SPTLC3: variants seen among roughly 807,000 people sequenced by gnomAD.
SPTLC3 encodes serine palmitoyltransferase 3.
SPTLC3 carries 36 observed loss-of-function variants against 59.3 expected under a neutral mutation model. The observed-to-expected ratio is 0.61, with a 90% CI of 0.47 to 0.80. The LOEUF (loss-of-function observed/expected upper bound fraction) is 0.80, where lower values mean the gene tolerates loss of function less well. SPTLC3 is among the 30% of genes least tolerant of loss of function. SPTLC3 has a pLI of 0.00. For synonymous variants in SPTLC3, 257 were observed against 240.8 expected (o/e 1.07, Z -0.62); for missense variants, 625 against 685.1 (o/e 0.91, Z 0.98).
At chr20:13,151,685 A>G (rs1308947945) in intron 9 of SPTLC3, among the ~76,000 whole-genome samples, 1 of 152,242 alleles carries the variant, frequency 6.6e-6, no homozygotes, top group Non-Finnish European at 1.5e-5. Flanking sequence ...CACAGAAGTG[A>G]AGTTCATTTA....
intron 10 of SPTLC3, among the ~76,000 whole-genome samples, chr20:13,157,106 A>G (rs1414665256): frequency 6.6e-6 from 1 of 152,132 alleles, no homozygotes; most frequent in Non-Finnish European, 1.5e-5. Flanking sequence ...GTTTAGCCCT[A>G]GTTTATAAAT....
intron 1 of SPTLC3, among the ~76,000 whole-genome samples, chr20:13,036,846 T>C (rs981054490): frequency 6.6e-6 from 1 of 152,154 alleles, no homozygotes; most frequent in African/African-American, 2.4e-5. Flanking sequence ...CAATTTTTGT[T>C]ACTCTGATGG....
intron 11 of SPTLC3, among the ~76,000 whole-genome samples, chr20:13,160,949 T>A (rs1290697441): frequency 6.6e-6 from 1 of 152,150 alleles, no homozygotes; most frequent in Non-Finnish European, 1.5e-5. Context: ...CATTCAAGAC[T>A]TCCAATCAGT....
At chr20:13,105,219 G>A (rs143130352) in intron 6 of SPTLC3, among the ~76,000 whole-genome samples, 42 of 152,076 alleles carry the variant, frequency 2.8e-4, no homozygotes, top group Middle Eastern at 3.4e-3. Flanking sequence ...CTTTTCCTGT[G>A]TAGCTTCTGT....
At chr20:13,127,014 G>A (rs1042200138) in intron 9 of SPTLC3, among the ~76,000 whole-genome samples, 7 of 152,232 alleles carry the variant, frequency 4.6e-5, no homozygotes, top group African/African-American at 9.6e-5. Context: ...GCACGTGAGC[G>A]TGCACATGTT....
intron 3 of SPTLC3, chr20:13,073,656 T>G: frequency 6.1e-6 from 2 of 328,396 alleles, no homozygotes; most frequent in Admixed American, 4.3e-5. Context: ...CAGGGAATGA[T>G]TAACATTTTT....
Position 13,089,785 on chromosome 20 carries a change from CA to C in SPTLC3, c.608-1279del, listed in dbSNP as rs752234758. 1.4e-4 allele frequency among the ~76,000 whole-genome samples: 11 copies of C among 79,302 alleles called. No individual in the cohort carries two copies. The South Asian group carries it at 1.9e-3, about 14-fold the overall frequency. 52.0% of individuals were successfully genotyped at this position (79,302 alleles called of 152,430 possible). A position where few individuals can be genotyped will look rare whatever the true frequency, so the allele number is the denominator to read the frequency against. On this transcript the variant is annotated intron_variant, in intron 4 of 11. Coordinates refer to ENST00000399002, the MANE Select transcript of SPTLC3 (RefSeq NM_018327.4). ...TGGATGACAGAGCGAGATTCTATCT[CA>C]AAAAAAAAAAAAAAAAAACAAAACA...
chr20:13,089,785 C>CAAAAAAAAAAAA (rs752234758), intron 4 of SPTLC3, among the ~76,000 whole-genome samples: 1 of 79,316 alleles, frequency 1.3e-5, no homozygotes, highest in African/African-American at 4.9e-5. Context: ...GATTCTATCT[C>CAAAAAAAAAAAA]AAAAAAAAAA....
At chr20:13,052,172 G>A (rs574727979) in intron 2 of SPTLC3, among the ~76,000 whole-genome samples, 3 of 152,082 alleles carry the variant, frequency 2.0e-5, no homozygotes, top group Non-Finnish European at 4.4e-5. Flanking sequence ...ACTGAGGTAC[G>A]GGGCTCATCT....
At chr20:13,159,982 C>CTT in intron 10 of SPTLC3, 21 bp from the exon 11 acceptor site, 1 of 1,441,882 alleles carries the variant, frequency 6.9e-7, no homozygotes, top group Non-Finnish European at 9.2e-7. Flanking sequence ...TTTTTTTTTT[C>CTT]TTTTTTTGCT....
In SPTLC3 at chr20:13,091,088, T is replaced by C; in HGVS notation, c.613T>C (p.Leu205=). The change falls in exon 5 of 12, where the codon TTG becomes CTG. Residue 205 remains leucine (L), a synonymous_variant. Coordinates refer to ENST00000399002, the MANE Select transcript of SPTLC3 (RefSeq NM_018327.4). ...TCATGTAATTTTATGTGCAGGCACC[T>C]TGGATAAGCACAAGGAGTTGGAGGA... ...VASTRHEMGT[L]DKHKELEDLV... The C allele has an allele frequency of 6.2e-7, 1 of 1,613,750 alleles. No individual in the cohort carries two copies. Among genetic ancestry groups the C allele is most frequent in the Non-Finnish European group, 8.5e-7 (1 of 1,179,754 alleles).
intron 8 of SPTLC3, among the ~76,000 whole-genome samples, chr20:13,121,813 A>C (rs912306383): frequency 1.3e-5 from 2 of 152,202 alleles, no homozygotes; most frequent in African/African-American, 4.8e-5. Flanking sequence ...AAGCAAACTC[A>C]GTCCAAAAAA....
rs1989200120 is a variant in SPTLC3, at chr20:13,091,153, C to T, written c.678C>T (p.Val226=). The change falls in exon 5 of 12, where the codon GTC becomes GTT. Residue 226 remains valine, a synonymous_variant. Coordinates refer to ENST00000399002, the MANE Select transcript of SPTLC3 (RefSeq NM_018327.4). ...AKFLNVEAAM[V]FGMGFATNSM... is the part of the protein sequence containing the mutation. Reference sequence around the variant, plus strand: ...TCCTGAATGTGGAAGCAGCTATGGTCTTTGGGATGGGATTCGCAACTAACT... The same window carrying T: ...TCCTGAATGTGGAAGCAGCTATGGTTTTTGGGATGGGATTCGCAACTAACT... 2.5e-6 allele frequency: 4 copies of T among 1,613,840 alleles called. No homozygotes were observed. The highest frequency in any genetic ancestry group is 2.5e-6 in the Non-Finnish European group (3 of 1,179,910).
rs569355885 is a variant in SPTLC3 at position 13,130,355 on chromosome 20, A to G, written c.1279+3638A>G. The stretch of plus-strand genomic sequence containing the variant: ...GGCTCTGAGCCTTCATCTTCAGCCC[A>G]CTCCACTACAACTGTGATTGGAGCC... On this transcript the variant is annotated intron_variant, in intron 9 of 11. Coordinates refer to ENST00000399002, the MANE Select transcript of SPTLC3 (RefSeq NM_018327.4). 2.0e-5 allele frequency among the ~76,000 whole-genome samples: 3 copies of G among 152,254 alleles called. No individual in the cohort carries two copies. In the South Asian group the frequency reaches 6.2e-4, roughly 32 times the overall value.
intron 2 of SPTLC3, among the ~76,000 whole-genome samples, chr20:13,063,766 T>A (rs1226537768): frequency 6.6e-6 from 1 of 151,394 alleles, no homozygotes; most frequent in Non-Finnish European, 1.5e-5. Context: ...GTGATTCTAG[T>A]GCCTCAGCCA....
chr20:13,012,489 A>G (rs1001590206), intron 1 of SPTLC3, among the ~76,000 whole-genome samples: 1 of 152,258 alleles, frequency 6.6e-6, no homozygotes, highest in Non-Finnish European at 1.5e-5. Flanking sequence ...AAATAATCAC[A>G]TCAAAGTTAA....
chr20:13,158,060 A>G (rs1446872318), intron 10 of SPTLC3, among the ~76,000 whole-genome samples: 1 of 152,252 alleles, frequency 6.6e-6, no homozygotes, highest in Non-Finnish European at 1.5e-5. Flanking sequence ...ACATACACTT[A>G]AACAATCAAG....
chr20:13,025,629 T>A (rs1486347607), intron 1 of SPTLC3, among the ~76,000 whole-genome samples: 2 of 152,202 alleles, frequency 1.3e-5, no homozygotes, highest in African/African-American at 2.4e-5. Context: ...ATATTGACCC[T>A]TGCAAGAATC....
At position 13,009,337 on chromosome 20, in the gene SPTLC3, T is replaced by C; in HGVS notation, c.70T>C (p.Ser24Pro). Residue 24 changes from serine to proline, a missense_variant, in exon 1 of 12, where the codon TCA becomes CCA. By Grantham distance (74) the Ser-to-Pro change is moderately conservative. Coordinates refer to ENST00000399002, the MANE Select transcript of SPTLC3 (RefSeq NM_018327.4). ...CAATCACAAGAAACAGAGCAATGGC[T>C]CACAAAGCAGAAACTGCACAAAGAA... ...LHNHKKQSNG[S>P]QSRNCTKNGI... is the part of the protein sequence containing the mutation. 1 of 1,614,030 alleles carries C rather than the reference T, an allele frequency of 6.2e-7. No homozygotes were observed. Among genetic ancestry groups the C allele is most frequent in the Non-Finnish European group, 8.5e-7 (1 of 1,179,962 alleles).
Sources: gnomAD v4.1 joint callset for allele counts (sites outside exome capture counted in the v4.1 genomes callset) on GRCh38, gnomAD v4.1.1 for gene constraint, MANE v1.5 for transcripts, NCBI Gene and HGNC (gene_info 2026-07-23, HGNC 2026-07-21) for gene names.